PNPLA1: variants seen among roughly 807,000 people sequenced by gnomAD.
The protein encoded by PNPLA1 is omega-hydroxyceramide transacylase.
Under a neutral mutation model 51.7 loss-of-function variants are expected in PNPLA1, and 36 were observed. That is an observed-to-expected ratio of 0.70 (90% CI 0.53 to 0.92). The LOEUF is 0.92. PNPLA1 is among the 40% of genes least tolerant of loss of function. The pLI is 0.00. For synonymous variants in PNPLA1, 293 were observed against 280.1 expected (o/e 1.05, Z -0.46); for missense variants, 658 against 682.5 (o/e 0.96, Z 0.40).
At chr6:36,298,388 A>C (rs1019188167) in intron 5 of PNPLA1, among the ~76,000 whole-genome samples, 1 of 152,112 alleles carries the variant, frequency 6.6e-6, no homozygotes, top group Non-Finnish European at 1.5e-5. Flanking sequence ...TGCATGGTAC[A>C]TTCATGTTTA....
intron 5 of PNPLA1, among the ~76,000 whole-genome samples, chr6:36,301,114 G>T (rs866697334): frequency 1.0e-5 from 1 of 99,920 alleles, no homozygotes; most frequent in South Asian, 4.2e-4. Context: ...CCATCCCCCC[G>T]CCCCCCCACC....
At chr6:36,253,572 C>G (rs1769468148) in intron 1 of PNPLA1, among the ~76,000 whole-genome samples, 1 of 152,124 alleles carries the variant, frequency 6.6e-6, no homozygotes, top group African/African-American at 2.4e-5. Context: ...AACTGCTGGG[C>G]TGAAGTGATC....
At chr6:36,296,365 A>G (rs1461728018) in intron 5 of PNPLA1, among the ~76,000 whole-genome samples, 1 of 152,232 alleles carries the variant, frequency 6.6e-6, no homozygotes, top group African/African-American at 2.4e-5. Context: ...GGGTTTACCT[A>G]ATGTTACATC....
chr6:36,255,243 G>A (rs76766329), intron 1 of PNPLA1, among the ~76,000 whole-genome samples: 5 of 152,044 alleles, frequency 3.3e-5, no homozygotes, highest in East Asian at 1.9e-4. Flanking sequence ...AGTAGCTCAC[G>A]CCTGTAATCC....
Position 36,302,155 on chromosome 6 carries a change from C to G in PNPLA1, c.1070C>G (p.Pro357Arg). 1 of 1,614,238 alleles carries G rather than the reference C, an allele frequency of 6.2e-7. No homozygotes were observed. Among genetic ancestry groups the G allele is most frequent in the Non-Finnish European group, 8.5e-7 (1 of 1,180,050 alleles). The change falls in exon 6 of 9, where the codon CCA (proline) becomes CGA (arginine). Residue 357 changes from proline to arginine, a missense_variant. Pro to Arg is a moderately radical substitution (Grantham distance 103). Transcript: ENST00000636260. ...CCACTTGAGCAGCCACCTGCACAGC[C>G]ACTGGCCTCTTCAACTCCACTTTCT... ...VSPLEQPPAQ[P>R]LASSTPLSLS...
chr6:36,244,601 C>G (rs957719198), intron 1 of PNPLA1, among the ~76,000 whole-genome samples: 6 of 152,192 alleles, frequency 3.9e-5, no homozygotes, highest in African/African-American at 1.4e-4. Context: ...AAGGCATGAG[C>G]AGCACATCTG....
At chr6:36,311,481 G>A (rs775319493) in intron 8 of PNPLA1, among the ~76,000 whole-genome samples, 4 of 152,226 alleles carry the variant, frequency 2.6e-5, no homozygotes, top group African/African-American at 9.7e-5. Context: ...GGCTAATGAG[G>A]CTGGACTTCC....
chr6:36,273,728 C>CAAAAAAAAAAAAAAAAAAAAAAAAAAA (rs57186870), intron 1 of PNPLA1, among the ~76,000 whole-genome samples: 11 of 48,222 alleles, frequency 2.3e-4, no homozygotes, highest in Middle Eastern at 0.016. Flanking sequence ...GACCCCATCG[C>CAAAAAAAAAAAAAAAAAAAAAAAAAAA]AAAAAAAAAA....
chr6:36,282,139 A>AGGAAGGAAGGAG (rs1561859501), intron 1 of PNPLA1, among the ~76,000 whole-genome samples: 2 of 146,286 alleles, frequency 1.4e-5, no homozygotes, highest in African/African-American at 5.2e-5. Context: ...GAAGGAAGGA[A>AGGAAGGAAGGAG]AGAGAGACAG....
rs1370988650 is a variant in PNPLA1, at chr6:36,306,320, A to G, written c.1413A>G (p.Pro471=). 2 of 1,612,800 alleles carry G rather than the reference A, an allele frequency of 1.2e-6. No individual in the cohort carries two copies. Among genetic ancestry groups the G allele is most frequent in the African/African-American group, 2.7e-5 (2 of 74,958 alleles). ...QAVALLVSSK[P]KSAVPLVHVK... ...TAGCTCTTCTTGTCTCTTCAAAACC[A>G]AAAAGCGCCGTGCCTCTGGTTCATG... The change falls in exon 7 of 9, where the codon CCA becomes CCG. Residue 471 remains proline (P), a synonymous_variant. Transcript: ENST00000636260.
At chr6:36,278,625 G>A (rs1770184871) in intron 1 of PNPLA1, among the ~76,000 whole-genome samples, 1 of 152,134 alleles carries the variant, frequency 6.6e-6, no homozygotes, top group African/African-American at 2.4e-5. Context: ...GTACAGCCCC[G>A]CTGTTGTCCA....
chr6:36,276,158 C>T (rs545039881), intron 1 of PNPLA1, among the ~76,000 whole-genome samples: 1 of 152,036 alleles, frequency 6.6e-6, no homozygotes, highest in African/African-American at 2.4e-5. Context: ...AGGGTTTCAC[C>T]ACGTTGGTCA....
At chr6:36,244,021 G>T (rs1769206897) in intron 1 of PNPLA1, among the ~76,000 whole-genome samples, 2 of 152,202 alleles carry the variant, frequency 1.3e-5, no homozygotes, top group Non-Finnish European at 2.9e-5. Flanking sequence ...AGGTTGAGTA[G>T]CTTGGGCAAG....
Position 36,270,486 on chromosome 6 carries a change from C to G in PNPLA1, c.27C>G (p.Asp9Glu). The G allele has an allele frequency of 6.4e-7, 1 of 1,551,454 alleles. No individual in the cohort carries two copies. Among genetic ancestry groups the G allele is most frequent in the Non-Finnish European group, 8.7e-7 (1 of 1,147,004 alleles). The stretch of plus-strand genomic sequence containing the variant: ...TGGAAGAACAGGTGTTCAAGGGGGA[C>G]CCGGACACCCCTCACTCCATCTCCT... MEEQVFKGDPDTPHSISFS... is the reference protein window; with the variant it reads MEEQVFKGEPDTPHSISFS... The change falls in exon 1 of 9, where the codon GAC becomes GAG. Residue 9 changes from aspartate to glutamate, a missense_variant. By Grantham distance (45) the Asp-to-Glu change is conservative. Transcript: ENST00000636260.
At chr6:36,286,138 C>T (rs1198321685) in intron 1 of PNPLA1, among the ~76,000 whole-genome samples, 1 of 152,232 alleles carries the variant, frequency 6.6e-6, no homozygotes, top group African/African-American at 2.4e-5. Context: ...AGCTGTCTGC[C>T]TCATCATAAT....
chr6:36,285,092 A>G (rs570010689), intron 1 of PNPLA1, among the ~76,000 whole-genome samples: 1 of 152,348 alleles, frequency 6.6e-6, no homozygotes, highest in African/African-American at 2.4e-5. Context: ...TAAGATGATA[A>G]CAATTATTAT....
At chr6:36,300,277 C>A (rs1283419276) in intron 5 of PNPLA1, among the ~76,000 whole-genome samples, 1 of 151,122 alleles carries the variant, frequency 6.6e-6, no homozygotes, top group Non-Finnish European at 1.5e-5. Flanking sequence ...TCACTGCAAG[C>A]TCCACCTCCC....
chr6:36,295,068 T>C (rs1760838050), intron 4 of PNPLA1, among the ~76,000 whole-genome samples: 1 of 152,196 alleles, frequency 6.6e-6, no homozygotes, highest in Non-Finnish European at 1.5e-5. Flanking sequence ...GCTCTTCATA[T>C]GGCCCCAGTG....
intron 1 of PNPLA1, among the ~76,000 whole-genome samples, chr6:36,249,204 G>A (rs981214046): frequency 6.6e-6 from 1 of 152,154 alleles, no homozygotes; most frequent in African/African-American, 2.4e-5. Context: ...CATGAGCTTG[G>A]GGTTGGAAGT....
Sources: gnomAD v4.1 joint callset for allele counts (sites outside exome capture counted in the v4.1 genomes callset) on GRCh38, gnomAD v4.1.1 for gene constraint, MANE v1.5 for transcripts, NCBI Gene and HGNC (gene_info 2026-07-23, HGNC 2026-07-21) for gene names.